ZC3HAV1L: variants seen among roughly 807,000 people sequenced by gnomAD.
ZC3HAV1L encodes ZC3HAV1 like, also known as zinc finger CCCH-type antiviral protein 1-like.
Under a neutral mutation model 28.2 loss-of-function variants are expected in ZC3HAV1L, and 23 were observed. The ratio of observed to expected loss-of-function variants is 0.82; its 90% CI spans 0.59 to 1.16. The LOEUF is 1.16. Among genes scored for constraint, ZC3HAV1L ranks in the 50% most tolerant of loss-of-function variants. The probability of loss-of-function intolerance (pLI) is 0.00; values close to 1 mark genes in which losing one functional copy is unlikely to be tolerated. For missense variants in ZC3HAV1L, 376 were observed against 387.7 expected, an observed-to-expected ratio of 0.97 and a Z score of 0.25; for synonymous variants, 180 against 163.4, an observed-to-expected ratio of 1.10 and a Z score of -0.78.
downstream of ZC3HAV1L, among the ~76,000 whole-genome samples, chr7:139,021,831 C>T (rs1468720248): frequency 1.3e-5 from 2 of 152,050 alleles, no homozygotes; most frequent in African/African-American, 4.8e-5. Context: ...AAACTTATTA[C>T]AATTTTATGA....
chr7:139,028,232 G>A (rs986011742), intron 3 of ZC3HAV1L, among the ~76,000 whole-genome samples: 2 of 152,054 alleles, frequency 1.3e-5, no homozygotes, highest in Non-Finnish European at 2.9e-5. Flanking sequence ...AATTAGCTGG[G>A]CATGGTGGCG....
At chr7:139,030,653 C>G (rs915164878) in intron 2 of ZC3HAV1L, among the ~76,000 whole-genome samples, 5 of 151,692 alleles carry the variant, frequency 3.3e-5, no homozygotes, top group Admixed American at 2.0e-4. Flanking sequence ...ATGGTGAAAC[C>G]CCGTCTCTAC....
chr7:139,028,813 C>G lies in ZC3HAV1L; in HGVS notation c.649G>C (p.Ala217Pro), dbSNP rs1815434173. The G allele has an allele frequency of 6.2e-7, 1 of 1,614,022 alleles. No individual in the cohort carries two copies. Among genetic ancestry groups the G allele is most frequent in the East Asian group, 2.2e-5 (1 of 44,880 alleles). The change falls in exon 3 of 5, where the codon GCA becomes CCA. Residue 217 changes from alanine to proline, a missense_variant. Physicochemically the swap from Ala to Pro is conservative, Grantham distance 27. Coordinates refer to ENST00000275766, the MANE Select transcript of ZC3HAV1L (RefSeq NM_080660.4). ...CKRSHQLIHA[A>P]SLKLLQDQGL... ...TGGTCCTGTAGCAGCTTCAAAGATG[C>G]AGCATGGATAAGCTGATGGGACCGT...
intron 2 of ZC3HAV1L, among the ~76,000 whole-genome samples, chr7:139,030,776 G>A (rs10264455): frequency 0.46 from 69,260 of 151,218 alleles, 16,450 homozygotes; most frequent in Non-Finnish European, 0.52. Context: ...CCGAGATCAC[G>A]CCACTGCACT....
downstream of ZC3HAV1L, chr7:139,022,400 G>A (rs1332918633): frequency 2.3e-6 from 1 of 437,296 alleles, no homozygotes; most frequent in South Asian, 1.6e-5. Flanking sequence ...AAAAAGATTA[G>A]CTGAGTATGG....
chr7:139,028,908 T>C lies in ZC3HAV1L; in HGVS notation c.554A>G (p.Lys185Arg), dbSNP rs1275649310. 3 of 1,614,210 alleles carry C rather than the reference T, an allele frequency of 1.9e-6. No homozygotes were observed. The highest frequency in any genetic ancestry group is 1.1e-5 in the South Asian group (1 of 91,086). ...CACATGAAACTTGTTGCATTTATCC[T>C]TGAGGTTGCAGTAGCCATACAGGGC... ...GEALYGYCNL[K>R]DKCNKFHVCK... Residue 185 changes from lysine (K) to arginine (R), a missense_variant, in exon 3 of 5, where the codon AAG becomes AGG. Transcript: ENST00000275766.
At chr7:139,029,813 T>A (rs2130630931) in intron 2 of ZC3HAV1L, among the ~76,000 whole-genome samples, 1 of 152,288 alleles carries the variant, frequency 6.6e-6, no homozygotes, top group Non-Finnish European at 1.5e-5. Flanking sequence ...AAAGATCTAA[T>A]TTATGATCCA....
chr7:139,029,811 A>G (rs1815470724), intron 2 of ZC3HAV1L, among the ~76,000 whole-genome samples: 1 of 152,152 alleles, frequency 6.6e-6, no homozygotes, highest in African/African-American at 2.4e-5. Context: ...ACAAAGATCT[A>G]ATTTATGATC....
rs958743292 is a variant in ZC3HAV1L, at chr7:139,034,407, G to C, written c.501+136C>G. ...TTTCGCCATGATAGCAATTATAAAG[G>C]GTACCTTTAAAGCATTTGAAACTGA... On this transcript the variant is annotated intron_variant, in intron 2 of 4. Coordinates refer to ENST00000275766, the MANE Select transcript of ZC3HAV1L (RefSeq NM_080660.4). 6 of 1,360,614 alleles carry C rather than the reference G, an allele frequency of 4.4e-6. No homozygotes were observed. The African/African-American group carries it at 8.7e-5, about 20-fold the overall frequency. The allele number at this position is 1,360,614 out of a possible 1,614,324, so 84.3% of individuals were successfully genotyped here.
Position 139,028,098 on chromosome 7 carries a change from G to A in ZC3HAV1L, c.760+604C>T, listed in dbSNP as rs539573347. ...GCCATTAAAACTGTTCTACTAGGCC[G>A]GGCGTGTGGCTCATGCCTGAAATCC... On this transcript the variant is annotated intron_variant, in intron 3 of 4. Transcript: ENST00000275766. Among the ~76,000 whole-genome samples the A allele has an allele frequency of 6.6e-5, 10 of 152,146 alleles. No individual in the cohort carries two copies. In the South Asian group the frequency reaches 8.3e-4, roughly 13 times the overall value.
chr7:139,026,448 A>T lies in ZC3HAV1L; in HGVS notation c.*96T>A. 6.4e-7 allele frequency: 1 copy of T among 1,556,768 alleles called. No individual in the cohort carries two copies. The highest frequency in any genetic ancestry group is 8.7e-7 in the Non-Finnish European group (1 of 1,155,516). On this transcript the variant is annotated 3_prime_UTR_variant, in exon 5 of 5. Transcript: ENST00000275766. ...ACTAGCCCCATCTGCACTCAATTTTAGCCTCTCTTTGCCTGTTCAATGTCC... is the reference window on the plus strand; with the variant it reads ...ACTAGCCCCATCTGCACTCAATTTTTGCCTCTCTTTGCCTGTTCAATGTCC...
chr7:139,030,103 C>T (rs1385838362), intron 2 of ZC3HAV1L, among the ~76,000 whole-genome samples: 1 of 152,182 alleles, frequency 6.6e-6, no homozygotes, highest in African/African-American at 2.4e-5. Flanking sequence ...GGCAAATGGG[C>T]TGCTGAGTCA....
chr7:139,030,919 G>A (rs1336510034), intron 2 of ZC3HAV1L, among the ~76,000 whole-genome samples: 1 of 152,064 alleles, frequency 6.6e-6, no homozygotes, highest in Non-Finnish European at 1.5e-5. Context: ...ATGTTCAATA[G>A]TACTACAGGA....
rs928510353 is a variant in ZC3HAV1L at position 139,026,310 on chromosome 7, T to C, written c.*234A>G. 7.2e-6 allele frequency: 4 copies of C among 553,384 alleles called. No homozygotes were observed. The highest frequency in any genetic ancestry group is 3.6e-5 in the Admixed American group (1 of 27,584). The allele number at this position is 553,384 out of a possible 1,614,324, so 34.3% of individuals were successfully genotyped here. On this transcript the variant is annotated 3_prime_UTR_variant, in exon 5 of 5. Coordinates refer to ENST00000275766, the MANE Select transcript of ZC3HAV1L (RefSeq NM_080660.4). ...TACTCTAGGATTGCCACAATATAAA[T>C]TGATAGAAAAACAATGGTGGACCAC...
intron 2 of ZC3HAV1L, among the ~76,000 whole-genome samples, chr7:139,031,440 A>G (rs12532624): frequency 0.48 from 73,650 of 151,936 alleles, 18,345 homozygotes; most frequent in Non-Finnish European, 0.52. Flanking sequence ...CAACGAATTA[A>G]CTAGGCATGG....
chr7:139,035,017 C>A (rs373513925), intron 1 of ZC3HAV1L: 6 of 985,340 alleles, frequency 6.1e-6, no homozygotes, highest in East Asian at 2.3e-4. Context: ...GAAAGCGCCC[C>A]TATCCCCAGC....
chr7:139,034,358 G>A (rs541447044), intron 2 of ZC3HAV1L, among the ~76,000 whole-genome samples, 185 bp downstream of exon 2: 1 of 152,240 alleles, frequency 6.6e-6, no homozygotes, highest in Admixed American at 6.5e-5. Flanking sequence ...CTTTGTGTAT[G>A]GCTAAACTGA....
In ZC3HAV1L at chr7:139,026,559, C is replaced by T. The variant is rs374428350; in HGVS notation, c.888G>A (p.Val296=). ...TCCATCTTCTTTACTTCTCGCAAGA[C>T]ACTGTGAGGTAGATATTATTATGAC... ...PAQSAKKPCP[V]SCEK Residue 296 remains valine, a splice_region_variant and synonymous_variant, in exon 5 of 5, where the codon GTG becomes GTA. Transcript: ENST00000275766. 6 of 1,613,102 alleles carry T rather than the reference C, an allele frequency of 3.7e-6. No individual in the cohort carries two copies. In the African/African-American group the frequency reaches 8.0e-5, roughly 22 times the overall value.
downstream of ZC3HAV1L, among the ~76,000 whole-genome samples, chr7:139,021,970 T>C (rs1432016217): frequency 1.3e-5 from 2 of 151,986 alleles, no homozygotes; most frequent in East Asian, 1.9e-4. Context: ...TTTCTAATAA[T>C]AGAGATTCCC....
Sources: gnomAD v4.1 joint callset for allele counts (sites outside exome capture counted in the v4.1 genomes callset) on GRCh38, gnomAD v4.1.1 for gene constraint, MANE v1.5 for transcripts, NCBI Gene and HGNC (gene_info 2026-07-23, HGNC 2026-07-21) for gene names.